SPATA17: variants seen among roughly 807,000 people sequenced by gnomAD.
SPATA17 encodes the protein spermatogenesis-associated protein 17.
In SPATA17, 53 loss-of-function variants were observed where a neutral mutation model predicts 62.2. That is an observed-to-expected ratio of 0.85 (90% CI 0.68 to 1.07). The LOEUF (loss-of-function observed/expected upper bound fraction) is 1.07. Ranked by LOEUF, SPATA17 falls within the 50% of genes least tolerant of loss-of-function variation. The pLI, the probability that SPATA17 is intolerant of heterozygous loss-of-function variation, is 0.00. For synonymous variants in SPATA17, 146 were observed against 146.8 expected, an observed-to-expected ratio of 0.99 and a Z score of 0.04; for missense variants, 466 against 425.5, an observed-to-expected ratio of 1.10 and a Z score of -0.84.
intron 6 of SPATA17, among the ~76,000 whole-genome samples, chr1:217,753,565 G>A (rs1221869322): frequency 1.3e-5 from 2 of 151,566 alleles, no homozygotes; most frequent in African/African-American, 2.4e-5. Context: ...TTAGGTATGG[G>A]TAGAGATAGT....
At chr1:217,809,320 G>A (rs1349322878) in intron 9 of SPATA17, among the ~76,000 whole-genome samples, 2 of 152,086 alleles carry the variant, frequency 1.3e-5, no homozygotes, top group African/African-American at 4.8e-5. Context: ...TAGAACTGAT[G>A]GACAAACCTA....
intron 9 of SPATA17, among the ~76,000 whole-genome samples, chr1:217,821,421 A>C (rs1198603243): frequency 6.6e-6 from 1 of 152,098 alleles, no homozygotes; most frequent in Non-Finnish European, 1.5e-5. Context: ...ATGCAATAAG[A>C]ATAAAGGAGT....
rs562445338 is a variant in SPATA17 at position 217,661,915 on chromosome 1, G to A, written c.241-7118G>A. On this transcript the variant is annotated intron_variant, in intron 3 of 10. Transcript: ENST00000366933. ...TTTGGGGACCCATCTTGTTTTAGCT[G>A]TGTAGTGTTCTAGTTAGCTTTTCCT... Among the ~76,000 whole-genome samples, 8 of 152,256 alleles carry A rather than the reference G, an allele frequency of 5.3e-5. No individual in the cohort carries two copies. In the South Asian group the frequency reaches 1.7e-3, roughly 32 times the overall value.
chr1:217,802,462 A>C (rs554371419), intron 9 of SPATA17, among the ~76,000 whole-genome samples: 50 of 152,220 alleles, frequency 3.3e-4, no homozygotes, highest in African/African-American at 1.2e-3. Flanking sequence ...TTTTCTTACA[A>C]TTCTGGAGGC....
chr1:217,696,575 T>C (rs962366980), intron 5 of SPATA17, among the ~76,000 whole-genome samples: 1 of 152,218 alleles, frequency 6.6e-6, no homozygotes, highest in African/African-American at 2.4e-5. Context: ...CTAATATAAT[T>C]TTATGTTGTT....
At chr1:217,735,036 A>G (rs531674236) in intron 5 of SPATA17, among the ~76,000 whole-genome samples, 2 of 152,266 alleles carry the variant, frequency 1.3e-5, no homozygotes, top group South Asian at 4.2e-4. Flanking sequence ...TCTCTCTCCT[A>G]ATTAAACCAT....
intron 5 of SPATA17, among the ~76,000 whole-genome samples, chr1:217,710,794 A>G (rs1168877341): frequency 6.7e-6 from 1 of 148,290 alleles, no homozygotes. Context: ...TTATTACACT[A>G]AAAAGCAACC....
intron 5 of SPATA17, among the ~76,000 whole-genome samples, chr1:217,696,156 G>A (rs1471965604): frequency 3.9e-5 from 6 of 152,192 alleles, no homozygotes; most frequent in South Asian, 2.1e-4. Context: ...TTCCGTGGGC[G>A]TAGGACCCTC....
At chr1:217,784,877 A>T (rs147994880) in intron 8 of SPATA17, 32 of 152,300 alleles carry the variant, frequency 2.1e-4, no homozygotes, top group African/African-American at 7.0e-4. Context: ...TGCATCTAAA[A>T]GACAATTTTT....
At chr1:217,663,162 A>T (rs1352711366) in intron 3 of SPATA17, among the ~76,000 whole-genome samples, 2 of 152,118 alleles carry the variant, frequency 1.3e-5, no homozygotes, top group South Asian at 4.1e-4. Flanking sequence ...TGAACTGTTC[A>T]GGACAGGTGC....
chr1:217,806,583 T>G (rs1181343239), intron 9 of SPATA17, among the ~76,000 whole-genome samples: 2 of 152,214 alleles, frequency 1.3e-5, no homozygotes, highest in African/African-American at 2.4e-5. Flanking sequence ...TCTTGGCATC[T>G]TAGCTGGTAT....
chr1:217,863,253 T>G (rs531355864), intron 10 of SPATA17, among the ~76,000 whole-genome samples: 3 of 151,558 alleles, frequency 2.0e-5, no homozygotes, highest in Non-Finnish European at 4.4e-5. Context: ...CTCCAGAGTG[T>G]CTGGGACTAC....
intron 9 of SPATA17, among the ~76,000 whole-genome samples, chr1:217,818,170 G>A (rs1674769442): frequency 1.3e-5 from 2 of 151,672 alleles, no homozygotes; most frequent in East Asian, 3.9e-4. Context: ...TCTCACTTTT[G>A]TACATATAAC....
intron 5 of SPATA17, among the ~76,000 whole-genome samples, chr1:217,729,294 CA>C (rs1402325749): frequency 6.6e-6 from 1 of 152,160 alleles, no homozygotes; most frequent in Non-Finnish European, 1.5e-5. Context: ...GCCACTTTTT[CA>C]TACTATGGTG....
At chr1:217,805,689 A>G (rs1674415438) in intron 9 of SPATA17, among the ~76,000 whole-genome samples, 2 of 152,224 alleles carry the variant, frequency 1.3e-5, no homozygotes, top group Non-Finnish European at 2.9e-5. Context: ...GTATATGAGA[A>G]GATGCTCTGC....
intron 5 of SPATA17, among the ~76,000 whole-genome samples, chr1:217,728,452 A>T (rs148800114): frequency 1.4e-4 from 21 of 152,356 alleles, no homozygotes; most frequent in African/African-American, 4.8e-4. Context: ...GCATAAAATA[A>T]AAACAGAGCT....
intron 5 of SPATA17, among the ~76,000 whole-genome samples, chr1:217,683,819 A>AT (rs1671157420): frequency 1.3e-5 from 2 of 151,772 alleles, no homozygotes; most frequent in African/African-American, 4.8e-5. Context: ...ATTTACCTTA[A>AT]TTTATTATTA....
At chr1:217,784,983 A>G (rs1673823869) in intron 8 of SPATA17, 2 of 152,196 alleles carry the variant, frequency 1.3e-5, no homozygotes, top group Admixed American at 1.3e-4. Context: ...TTTGGAGGCT[A>G]GAAGTCCAAG....
chr1:217,835,572 G>A (rs975274893), intron 9 of SPATA17, among the ~76,000 whole-genome samples: 4 of 152,062 alleles, frequency 2.6e-5, no homozygotes, highest in South Asian at 4.2e-4. Flanking sequence ...AATAACCATA[G>A]TGCATTGAAT....
Sources: gnomAD v4.1 joint callset for allele counts (sites outside exome capture counted in the v4.1 genomes callset) on GRCh38, gnomAD v4.1.1 for gene constraint, MANE v1.5 for transcripts, NCBI Gene and HGNC (gene_info 2026-07-23, HGNC 2026-07-21) for gene names.